ACYP1: variants seen among roughly 807,000 people sequenced by gnomAD.
ACYP1 encodes the protein acylphosphatase 1, also known as acylphosphatase-1.
A neutral mutation model predicts 10.4 loss-of-function variants in ACYP1; 8 were observed. The observed-to-expected ratio is 0.77, with a 90% confidence interval of 0.45 to 1.38. ACYP1 has a LOEUF of 1.38. Among genes scored for constraint, ACYP1 ranks in the 40% most tolerant of loss-of-function variants. ACYP1 has a pLI of 0.00. For missense variants in ACYP1, 93 were observed against 117.3 expected, an observed-to-expected ratio of 0.79 and a Z score of 0.96; for synonymous variants, 38 against 40.8, an observed-to-expected ratio of 0.93 and a Z score of 0.26.
chr14:75,069,363 C>T, exon 1 of ACYP1: 11 of 1,199,032 alleles, frequency 9.2e-6, no homozygotes, highest in Non-Finnish European at 1.2e-5. Context: ...ACCCCAAGGT[C>T]TGGGAGCGTC....
chr14:75,054,760 T>C (rs1158294809), intron 2 of ACYP1, among the ~76,000 whole-genome samples: 1 of 151,430 alleles, frequency 6.6e-6, no homozygotes, highest in African/African-American at 2.4e-5. Context: ...GCCAAATAAA[T>C]AACCATTTGA....
chr14:75,060,162 T>C (rs1018384074), intron 2 of ACYP1: 14 of 623,506 alleles, frequency 2.2e-5, no homozygotes, highest in Admixed American at 8.3e-5. Context: ...CCAAATATTT[T>C]GGGATTTTCC....
chr14:75,057,964 C>CAAAA (rs769312151), intron 2 of ACYP1, among the ~76,000 whole-genome samples: 1,093 of 38,720 alleles, frequency 0.028, 275 homozygotes, highest in Admixed American at 0.069. Flanking sequence ...GACTCTGTCT[C>CAAAA]AAAAAAAAAA....
chr14:75,069,297 G>T (rs775835525), exon 1 of ACYP1: 2 of 1,432,270 alleles, frequency 1.4e-6, no homozygotes. Context: ...GGCATCCTGC[G>T]GCGGAAGCAC....
chr14:75,053,657 A>G lies in ACYP1; in HGVS notation c.87T>C (p.Ala29=), dbSNP rs766622978. The change falls in exon 3 of 3, where the codon GCT becomes GCC. Residue 29 remains alanine, a splice_region_variant and synonymous_variant. Transcript: ENST00000238618. ...CTACCAATCCCAGCTTTTTACCCTC[A>G]GCCTAAGGGGGGTAAAAAGAGAGAG... is the stretch of plus-strand genomic sequence containing the variant. The part of the protein sequence containing the change: ...QGVFFRKHTQ[A]EGKKLGLVGW... 21 of 1,613,774 alleles carry G rather than the reference A, an allele frequency of 1.3e-5. No individual in the cohort carries two copies. The South Asian group carries it at 2.2e-4, about 17-fold the overall frequency.
rs188743263 is a variant in ACYP1, at chr14:75,061,024, G to A, written c.84+2446C>T. On this transcript the variant is annotated intron_variant, in intron 2 of 2. Transcript: ENST00000238618. ...AGAGGTTGCAGTGAGCCGAGATCACGCCACTGCACTCCAGCCTGGGTGACA... is the reference window on the plus strand; with the variant it reads ...AGAGGTTGCAGTGAGCCGAGATCACACCACTGCACTCCAGCCTGGGTGACA... Among the ~76,000 whole-genome samples the A allele has an allele frequency of 8.5e-4, 129 of 152,184 alleles. 1 individual carries two copies. Among genetic ancestry groups the A allele is most frequent in the African/African-American group, 3.0e-3 (124 of 41,492 alleles).
upstream of ACYP1, among the ~76,000 whole-genome samples, chr14:75,067,716 G>A (rs1893168260): frequency 6.6e-6 from 1 of 152,142 alleles, no homozygotes; most frequent in Non-Finnish European, 1.5e-5. Flanking sequence ...TGCAGACAGG[G>A]TGCCGTCTCT....
rs1352904239 is a variant in ACYP1 at position 75,057,985 on chromosome 14, A to AAAC, written c.85-4327_85-4326insGTT. 6.1e-5 allele frequency among the ~76,000 whole-genome samples: 9 copies of AAAC among 148,166 alleles called. 1 individual carries two copies. Among genetic ancestry groups the AAAC allele is most frequent in the African/African-American group, 2.0e-4 (8 of 39,876 alleles). On this transcript the variant is annotated intron_variant, in intron 2 of 2. Transcript: ENST00000238618. ...GTCTCAAAAAAAAAAAAAAAAAAAAAAAAGAACTACCTGCTGAGGCTGGGT... is the reference window on the plus strand; with the variant it reads ...GTCTCAAAAAAAAAAAAAAAAAAAAAAACAAAGAACTACCTGCTGAGGCTGGGT...
chr14:75,061,604 C>G (rs1300705645), intron 2 of ACYP1: 20 of 980,922 alleles, frequency 2.0e-5, no homozygotes, highest in Non-Finnish European at 2.4e-5. Context: ...ATGCATACCA[C>G]TATCTGACCC....
chr14:75,061,859 T>C, intron 2 of ACYP1: 2 of 868,746 alleles, frequency 2.3e-6, no homozygotes, highest in Non-Finnish European at 1.7e-6. Context: ...CCCAACACTT[T>C]GGGAGGCCAA....
chr14:75,069,344 C>CA, exon 1 of ACYP1: 1 of 1,315,202 alleles, frequency 7.6e-7, no homozygotes. Flanking sequence ...CTTTGCCAGA[C>CA]AAGGGCACAC....
intron 2 of ACYP1, 92 bp from the exon 3 acceptor site, chr14:75,053,751 A>C: frequency 8.2e-7 from 1 of 1,212,136 alleles, no homozygotes; most frequent in South Asian, 1.3e-5. Context: ...CCTAGAATCA[A>C]GCCACTGAAA....
chr14:75,063,582 A>G (rs746775327), intron 1 of ACYP1, 21 bp from the exon 2 acceptor site: 1 of 1,593,092 alleles, frequency 6.3e-7, no homozygotes, highest in East Asian at 2.2e-5. Flanking sequence ...CCAGGAAAGC[A>G]GAAGAGTGAA....
At chr14:75,053,706 CAAGGT>C (rs767377063) in intron 2 of ACYP1, 47 bp from the exon 3 acceptor site, 16 of 1,545,680 alleles carry the variant, frequency 1.0e-5, no homozygotes, top group Non-Finnish European at 1.4e-5. Flanking sequence ...TTGAAGAAAA[CAAGGT>C]AAGACTACAA....
intron 1 of ACYP1, chr14:75,069,111 C>T: frequency 4.1e-6 from 5 of 1,233,248 alleles, no homozygotes; most frequent in Non-Finnish European, 5.5e-6. Context: ...AGATTGGCCA[C>T]AAAAACTACC....
In ACYP1 at chr14:75,053,368, CACACAATAGTTCT is replaced by C. The variant is rs1892787639; in HGVS notation, c.*63_*75del. 2 of 1,309,750 alleles carry C rather than the reference CACACAATAGTTCT, an allele frequency of 1.5e-6. No individual in the cohort carries two copies. The highest frequency in any genetic ancestry group is 4.6e-5 in the East Asian group (2 of 43,438). 81.1% of individuals were successfully genotyped at this position (1,309,750 alleles called of 1,614,324 possible). On this transcript the variant is annotated 3_prime_UTR_variant, in exon 3 of 3. Coordinates refer to ENST00000238618, the MANE Select transcript of ACYP1 (RefSeq NM_001107.5). Reference sequence around the variant, plus strand: ...ACTTATTGACTAATGCTAATATTAACACACAATAGTTCTATCTCTATTAATAATAAAAACCAAA... The same window carrying C: ...ACTTATTGACTAATGCTAATATTAACATCTCTATTAATAATAAAAACCAAA...
chr14:75,057,964 C>CAAAAAAAAAAAAAAAAAAAAAAAA (rs769312151), intron 2 of ACYP1, among the ~76,000 whole-genome samples: 1 of 38,808 alleles, frequency 2.6e-5, no homozygotes, highest in African/African-American at 1.1e-4. Context: ...GACTCTGTCT[C>CAAAAAAAAAAAAAAAAAAAAAAAA]AAAAAAAAAA....
rs889159229 is a variant in ACYP1 at position 75,053,650 on chromosome 14, T to A, written c.94A>T (p.Lys32Ter). Residue 32 changes from lysine to a stop codon, truncating the protein, a stop_gained, in exon 3 of 3, where the codon AAA (lysine) becomes TAA (stop). Coordinates refer to ENST00000238618, the MANE Select transcript of ACYP1 (RefSeq NM_001107.5). LOFTEE classifies it high-confidence loss of function. ...FFRKHTQAEG[K>*]KLGLVGWVQN... is the part of the protein sequence containing the mutation. ...ACCCAGCCTACCAATCCCAGCTTTT[T>A]ACCCTCAGCCTAAGGGGGGTAAAAA... 6 of 1,614,178 alleles carry A rather than the reference T, an allele frequency of 3.7e-6. No homozygotes were observed. Among genetic ancestry groups the A allele is most frequent in the Non-Finnish European group, 5.1e-6 (6 of 1,180,020 alleles).
At position 75,053,618 on chromosome 14, in the gene ACYP1, G is replaced by A; in HGVS notation, c.126C>T (p.Asn42=). ...KKLGLVGWVQ[N]TDRGTVQGQL... The stretch of plus-strand genomic sequence containing the variant: ...GTCCTTGCACTGTGCCCCGGTCAGT[G>A]TTCTGGACCCAGCCTACCAATCCCA... The change falls in exon 3 of 3, where the codon AAC becomes AAT. Residue 42 remains asparagine, a synonymous_variant. Coordinates refer to ENST00000238618, the MANE Select transcript of ACYP1 (RefSeq NM_001107.5). 6.2e-7 allele frequency: 1 copy of A among 1,614,150 alleles called. No homozygotes were observed. The highest frequency in any genetic ancestry group is 8.5e-7 in the Non-Finnish European group (1 of 1,180,042).
Sources: allele counts gnomAD v4.1 joint callset (sites outside exome capture counted in the v4.1 genomes callset), GRCh38; gene constraint gnomAD v4.1.1; transcripts MANE v1.5; gene names NCBI Gene and HGNC (gene_info 2026-07-23, HGNC 2026-07-21).